Variants in CCDC82 observed in about 807,000 individuals in gnomAD.
CCDC82 encodes the protein coiled-coil domain-containing protein 82.
A neutral mutation model predicts 60.6 loss-of-function variants in CCDC82; 47 were observed. The observed-to-expected ratio is 0.77, with a 90% CI of 0.61 to 0.99. The LOEUF (loss-of-function observed/expected upper bound fraction) is 0.99. Among genes scored for constraint, CCDC82 ranks in the 50% least tolerant of loss-of-function variants. CCDC82 has a pLI of 0.00. For synonymous variants in CCDC82, 212 were observed against 207.4 expected (o/e 1.02, Z -0.19); for missense variants, 588 against 633.0 (o/e 0.93, Z 0.76).
At chr11:96,366,943 T>A (rs1228566048) in intron 7 of CCDC82, among the ~76,000 whole-genome samples, 1 of 152,234 alleles carries the variant, frequency 6.6e-6, no homozygotes, top group Non-Finnish European at 1.5e-5. Flanking sequence ...AAAAGTTATG[T>A]TTACACTGTA....
intron 9 of CCDC82, chr11:96,358,278 C>A (rs902559244): frequency 1.8e-6 from 2 of 1,115,262 alleles, no homozygotes; most frequent in Non-Finnish European, 2.2e-6. Context: ...TAGAAGACTG[C>A]AGTCGTATTA....
intron 6 of CCDC82, among the ~76,000 whole-genome samples, chr11:96,372,235 T>C (rs1482646758): frequency 6.6e-6 from 1 of 152,224 alleles, no homozygotes. Flanking sequence ...TTCAGGTTTC[T>C]GTTTAAAAGC....
chr11:96,357,910 T>A, intron 9 of CCDC82: 1 of 985,226 alleles, frequency 1.0e-6, no homozygotes, highest in Non-Finnish European at 1.2e-6. Flanking sequence ...AAGAATAAAA[T>A]GAGAGAAAGA....
At chr11:96,383,897 TA>T in intron 4 of CCDC82, 64 bp downstream of exon 4, 1 of 1,438,656 alleles carries the variant, frequency 7.0e-7, no homozygotes, top group Non-Finnish European at 9.3e-7. Context: ...CACTTTTTTA[TA>T]AAAATTAAAT....
intron 5 of CCDC82, among the ~76,000 whole-genome samples, chr11:96,376,126 C>T (rs1222024124): frequency 6.6e-6 from 1 of 152,124 alleles, no homozygotes; most frequent in Non-Finnish European, 1.5e-5. Context: ...TAATCAATTT[C>T]CTTATAGCCA....
At chr11:96,358,871 T>C (rs1864479311) in intron 9 of CCDC82, 122 bp downstream of exon 9, 3 of 1,000,182 alleles carry the variant, frequency 3.0e-6, no homozygotes, top group Middle Eastern at 3.0e-4. Context: ...GAAGAGAAAA[T>C]ACAAACGACA....
At chr11:96,375,212 T>C (rs909171553) in intron 5 of CCDC82, among the ~76,000 whole-genome samples, 1 of 152,198 alleles carries the variant, frequency 6.6e-6, no homozygotes, top group Non-Finnish European at 1.5e-5. Context: ...ACAAATTGCA[T>C]AGAATATTTC....
At chr11:96,364,033 G>A (rs1415902343) in intron 8 of CCDC82, 1 of 152,010 alleles carries the variant, frequency 6.6e-6, no homozygotes, top group Non-Finnish European at 1.5e-5. Context: ...AGCTCTAGAA[G>A]TGATTTTCTT....
chr11:96,376,719 C>T (rs561183511), intron 5 of CCDC82, among the ~76,000 whole-genome samples: 71 of 152,092 alleles, frequency 4.7e-4, no homozygotes, highest in Admixed American at 2.6e-3. Flanking sequence ...TGAGCCACCG[C>T]GCCTGGCCTG....
intron 1 of CCDC82, chr11:96,388,632 G>C (rs780745780): frequency 6.6e-6 from 1 of 152,174 alleles, no homozygotes; most frequent in Non-Finnish European, 1.5e-5. Context: ...AAGAAATATA[G>C]TTCCTTCTAA....
At chr11:96,370,985 A>C (rs1414523672) in intron 7 of CCDC82, 28 bp downstream of exon 7, 1 of 1,492,152 alleles carries the variant, frequency 6.7e-7, no homozygotes, top group Non-Finnish European at 8.9e-7. Context: ...CCAACCCCCA[A>C]GCAGAGATTC....
In CCDC82 at chr11:96,384,033, T is replaced by C. The variant is rs746190867; in HGVS notation, c.715A>G (p.Lys239Glu). The C allele has an allele frequency of 1.2e-6, 2 of 1,613,710 alleles. No homozygotes were observed. Among genetic ancestry groups the C allele is most frequent in the South Asian group, 1.1e-5 (1 of 91,048 alleles). The part of the protein sequence containing the change: ...EKTLAAQKRE[K>E]LQKLKELSKQ... The stretch of plus-strand genomic sequence containing the variant: ...GAGAGTTCTTTGAGCTTCTGAAGTT[T>C]TTCTCGCTTTTGTGCAGCTAATGTT... The change falls in exon 4 of 10, where the codon AAA becomes GAA. Residue 239 changes from lysine to glutamate, a missense_variant. Physicochemically the swap from Lys to Glu is moderately conservative, Grantham distance 56. Coordinates refer to ENST00000646818, the MANE Select transcript of CCDC82 (RefSeq NM_024725.4).
At position 96,371,115 on chromosome 11, in the gene CCDC82, A is replaced by C. The variant is rs1430150851; in HGVS notation, c.1107T>G (p.Tyr369Ter). The change falls in exon 7 of 10, where the codon TAT becomes TAG. Residue 369 changes from tyrosine (Y) to a stop codon, truncating the protein, a stop_gained. Coordinates refer to ENST00000646818, the MANE Select transcript of CCDC82 (RefSeq NM_024725.4). LOFTEE classifies it high-confidence loss of function. ...GAAGAGATGTTAGCATATCTTTTGC[A>C]TATGATTTTTGCCTTGTGCCATCTG... is the stretch of plus-strand genomic sequence containing the variant. ...TLYDGTRQKSYAKDMLTSLHY... is the reference protein window; with the variant it reads ...TLYDGTRQKS The C allele has an allele frequency of 1.3e-6, 2 of 1,596,562 alleles. No homozygotes were observed. The highest frequency in any genetic ancestry group is 1.7e-6 in the Non-Finnish European group (2 of 1,172,144).
chr11:96,353,680 G>A lies in CCDC82; in HGVS notation c.1601C>T (p.Ala534Val), dbSNP rs768645326. 5.6e-6 allele frequency: 9 copies of A among 1,609,852 alleles called. No homozygotes were observed. The highest frequency in any genetic ancestry group is 2.2e-5 in the East Asian group (1 of 44,688). Residue 534 changes from alanine (A) to valine (V), a missense_variant, in exon 10 of 10, where the codon GCG becomes GTG. Physicochemically the swap from Ala to Val is moderately conservative, Grantham distance 64 (BLOSUM62 0). Transcript: ENST00000646818. Reference protein sequence around the residue: ...YGQLEEYLNFADYFQEEKFEL With the variant: ...YGQLEEYLNFVDYFQEEKFEL ...AAACTTCTCTTCTTGAAAGTAATCC[G>A]CAAAATTGAGATATTCTTCAAGTTG...
chr11:96,386,772 A>G (rs149113953), intron 2 of CCDC82: 1 of 152,344 alleles, frequency 6.6e-6, no homozygotes, highest in Non-Finnish European at 1.5e-5. Context: ...GCAGTCTGCT[A>G]TTTGAAATTA....
intron 9 of CCDC82, chr11:96,356,345 T>C (rs1402791481): frequency 1.6e-6 from 1 of 620,840 alleles, no homozygotes; most frequent in African/African-American, 2.0e-5. Context: ...TTTTAAATTA[T>C]TATGTATATG....
intron 9 of CCDC82, chr11:96,357,644 C>G: frequency 1.0e-6 from 1 of 983,966 alleles, no homozygotes; most frequent in African/African-American, 1.7e-5. Flanking sequence ...AGTATATGCA[C>G]AGTGATTTTT....
chr11:96,372,665 T>C (rs1337265966), intron 6 of CCDC82, among the ~76,000 whole-genome samples: 2 of 145,068 alleles, frequency 1.4e-5, no homozygotes, highest in African/African-American at 5.0e-5. Context: ...TATAAATATA[T>C]ATAAACATAT....
intron 8 of CCDC82, among the ~76,000 whole-genome samples, chr11:96,360,493 C>T (rs987952029): frequency 1.3e-4 from 20 of 151,978 alleles, no homozygotes; most frequent in African/African-American, 4.6e-4. Context: ...CCACGCCCAG[C>T]CAATATATTT....
Sources: gnomAD v4.1 joint callset for allele counts (sites outside exome capture counted in the v4.1 genomes callset) on GRCh38, gnomAD v4.1.1 for gene constraint, MANE v1.5 for transcripts, NCBI Gene and HGNC (gene_info 2026-07-23, HGNC 2026-07-21) for gene names.